PLCG2: variants seen among roughly 807,000 people sequenced by gnomAD.
PLCG2 encodes 1-phosphatidylinositol 4,5-bisphosphate phosphodiesterase gamma-2.
PLCG2 carries 69 observed loss-of-function variants against 175.6 expected under a neutral mutation model. The ratio of observed to expected loss-of-function variants is 0.39; its 90% CI spans 0.32 to 0.48. PLCG2 has a LOEUF of 0.48. Among genes scored for constraint, PLCG2 ranks in the 20% least tolerant of loss-of-function variants. PLCG2 has a pLI of 0.91. For synonymous variants in PLCG2, 827 were observed against 624.0 expected (o/e 1.33, Z -4.85); for missense variants, 1,798 against 1,650.9 (o/e 1.09, Z -1.54).
chr16:81,851,406 A>AT (rs1906401797), intron 2 of PLCG2, among the ~76,000 whole-genome samples: 2 of 152,326 alleles, frequency 1.3e-5, no homozygotes, highest in South Asian at 4.1e-4. Flanking sequence ...TTTGGTGTGT[A>AT]GTTCTACGAA....
chr16:81,782,941 C>T (rs1302525817), intron 1 of PLCG2, among the ~76,000 whole-genome samples: 2 of 152,190 alleles, frequency 1.3e-5, no homozygotes, highest in Non-Finnish European at 2.9e-5. Context: ...TTTAGGGCAA[C>T]CTGTGAGCAG....
chr16:81,790,449 G>T (rs80343087), intron 2 of PLCG2, among the ~76,000 whole-genome samples: 25,649 of 152,222 alleles, frequency 0.17, 2,598 homozygotes, highest in Non-Finnish European at 0.23. Flanking sequence ...CCTTGAGAGA[G>T]CAGGCCTTCA....
At chr16:81,957,026 T>C (rs1279870076) in intron 32 of PLCG2, 147 bp downstream of exon 32, 1 of 568,640 alleles carries the variant, frequency 1.8e-6, no homozygotes, top group Non-Finnish European at 2.9e-6. Flanking sequence ...AGGCCAGGCA[T>C]GGTGGCTCAT....
intron 29 of PLCG2, 125 bp from the exon 30 acceptor site, chr16:81,939,767 T>A (rs1289514736): frequency 1.5e-6 from 1 of 648,250 alleles, no homozygotes; most frequent in Non-Finnish European, 2.8e-6. Flanking sequence ...TTCTTAGATC[T>A]TGGCATAGAT....
At chr16:81,761,314 A>G (rs965808013) in intron 2 of PLCG2, among the ~76,000 whole-genome samples, 5 of 152,138 alleles carry the variant, frequency 3.3e-5, no homozygotes, top group African/African-American at 1.2e-4. Context: ...GCAGTGAGCT[A>G]TGGTCAAGCC....
intron 2 of PLCG2, among the ~76,000 whole-genome samples, chr16:81,770,092 C>A (rs1910244803): frequency 6.6e-6 from 1 of 152,042 alleles, no homozygotes; most frequent in African/African-American, 2.4e-5. Context: ...TTCTCTCCAC[C>A]CCCTTCGCTA....
At chr16:81,859,320 A>T in intron 5 of PLCG2, 157 bp downstream of exon 5, 1 of 575,588 alleles carries the variant, frequency 1.7e-6, no homozygotes, top group Non-Finnish European at 3.2e-6. Flanking sequence ...GGGGTTGAGG[A>T]TGACAAAATC....
chr16:81,912,797 G>A (rs192975460), intron 19 of PLCG2, 81 bp downstream of exon 19: 1 of 1,470,916 alleles, frequency 6.8e-7, no homozygotes. Flanking sequence ...GGAACTTCAG[G>A]TGGAGGCTCA....
rs370477719 is a variant in PLCG2, at chr16:81,905,527, C to T, written c.1467+20C>T. On this transcript the variant is annotated intron_variant, in intron 15 of 32. Coordinates refer to ENST00000564138, the MANE Select transcript of PLCG2 (RefSeq NM_002661.5). ...GACCAGGTGGGCCTTGGTCCCTTCCCGTAGCCACTGCGGCCACGCCCCTTG... is the reference window on the plus strand; with the variant it reads ...GACCAGGTGGGCCTTGGTCCCTTCCTGTAGCCACTGCGGCCACGCCCCTTG... 797 of 1,559,130 alleles carry T rather than the reference C, an allele frequency of 5.1e-4. 4 individuals are homozygous for T. The South Asian group carries it at 5.6e-3, about 11-fold the overall frequency.
At chr16:81,917,722 T>A (rs1482446309) in intron 19 of PLCG2, among the ~76,000 whole-genome samples, 1 of 152,234 alleles carries the variant, frequency 6.6e-6, no homozygotes, top group Non-Finnish European at 1.5e-5. Flanking sequence ...GTCCATTTTT[T>A]AAAATTTTTT....
upstream of PLCG2, among the ~76,000 whole-genome samples, chr16:81,776,812 C>T (rs12926946): frequency 0.68 from 103,161 of 152,042 alleles, 35,324 homozygotes; most frequent in South Asian, 0.74. Flanking sequence ...GCCTTGGCCT[C>T]CCAAAGTGCT....
chr16:81,912,489 G>A lies in PLCG2; in HGVS notation c.1935-108G>A. The A allele has an allele frequency of 3.0e-6, 4 of 1,347,812 alleles. No homozygotes were observed. In the South Asian group the frequency reaches 5.7e-5, roughly 19 times the overall value. The allele number at this position is 1,347,812 out of a possible 1,614,324, so 83.5% of individuals were successfully genotyped here. ...TGTGTGATTTCCATGGTCGTTTCCA[G>A]GGCCAGGTTCCAGGTGTCACTGGTG... On this transcript the variant is annotated intron_variant, in intron 18 of 32. Transcript: ENST00000564138.
chr16:81,863,290 C>G (rs978438205), intron 5 of PLCG2, among the ~76,000 whole-genome samples: 3 of 152,228 alleles, frequency 2.0e-5, no homozygotes, highest in South Asian at 2.1e-4. Context: ...TATAAGTGGA[C>G]TAGCAGAATA....
chr16:81,784,786 C>A (rs1196418709), intron 1 of PLCG2, among the ~76,000 whole-genome samples: 1 of 152,144 alleles, frequency 6.6e-6, no homozygotes, highest in East Asian at 1.9e-4. Flanking sequence ...CCCAGAGGAT[C>A]TAAGTGACTT....
chr16:81,868,005 G>A (rs995161586), intron 5 of PLCG2, among the ~76,000 whole-genome samples: 18 of 152,076 alleles, frequency 1.2e-4, no homozygotes, highest in Admixed American at 2.0e-4. Flanking sequence ...CCTGGCCCTC[G>A]CTTCCCGCTT....
At position 81,959,986 on chromosome 16, in the gene PLCG2, T is replaced by C. The variant is rs376068378; in HGVS notation, c.*1988T>C. ...TCAAAGAACCTGACATATGGCGGCA[T>C]AGGAAGCAGAAGCTAAGCCTCTCTC... On this transcript the variant is annotated 3_prime_UTR_variant, in exon 33 of 33. Transcript: ENST00000564138. The C allele has an allele frequency of 6.1e-4, 128 of 209,770 alleles. 1 individual carries two copies. The highest frequency in any genetic ancestry group is 6.0e-3 in the East Asian group (84 of 13,954). 13.0% of individuals were successfully genotyped at this position (209,770 alleles called of 1,614,324 possible).
chr16:81,778,016 C>CAAAACAAAAAAAAAACAAAAAAA (rs1910484333), upstream of PLCG2, among the ~76,000 whole-genome samples: 2 of 49,082 alleles, frequency 4.1e-5, no homozygotes, highest in African/African-American at 9.9e-5. Flanking sequence ...GACTTTGTCT[C>CAAAACAAAAAAAAAACAAAAAAA]AAAAAAAAAA....
upstream of PLCG2, chr16:81,779,210 G>GGGCGGGGCGA (rs989937687): frequency 1.1e-4 from 16 of 152,108 alleles, no homozygotes; most frequent in Admixed American, 7.9e-4. Context: ...GGCGCGCCTG[G>GGGCGGGGCGA]GGCGGGGCGA....
At position 81,961,279 on chromosome 16, in the gene PLCG2, T is replaced by C. The variant is rs547971139; in HGVS notation, c.*3281T>C. On this transcript the variant is annotated 3_prime_UTR_variant, in exon 33 of 33. Coordinates refer to ENST00000564138, the MANE Select transcript of PLCG2 (RefSeq NM_002661.5). Reference sequence around the variant, plus strand: ...CATAAATGAAATTGAAAACGGAAAATAGAATTGATGATGAACTTTGGCTCA... The same window carrying C: ...CATAAATGAAATTGAAAACGGAAAACAGAATTGATGATGAACTTTGGCTCA... 2.2e-4 allele frequency: 49 copies of C among 225,548 alleles called. No individual in the cohort carries two copies. The highest frequency in any genetic ancestry group is 1.1e-3 in the African/African-American group (48 of 45,034). The allele number at this position is 225,548 out of a possible 1,614,324, so 14.0% of individuals were successfully genotyped here.
Sources: allele counts gnomAD v4.1 joint callset (sites outside exome capture counted in the v4.1 genomes callset), GRCh38; gene constraint gnomAD v4.1.1; transcripts MANE v1.5; gene names NCBI Gene and HGNC (gene_info 2026-07-23, HGNC 2026-07-21).